The following DLG2 variants were observed in gnomAD, a reference collection of about 807,000 sequenced individuals.
The protein encoded by DLG2 is discs large MAGUK scaffold protein 2.
DLG2 carries 45 observed loss-of-function variants against 132.5 expected under a neutral mutation model. The observed-to-expected ratio is 0.34, with a 90% CI of 0.27 to 0.44. The LOEUF is 0.44. Ranked by LOEUF, DLG2 falls within the 20% of genes least tolerant of loss-of-function variation. DLG2 has a pLI of 1.00. For missense variants in DLG2, 1,045 were observed against 1,196.9 expected (o/e 0.87, Z 1.87); for synonymous variants, 424 against 419.6 (o/e 1.01, Z -0.13).
chr11:83,532,481 C>G (rs2095778473), intron 21 of DLG2, among the ~76,000 whole-genome samples: 1 of 152,124 alleles, frequency 6.6e-6, no homozygotes, highest in Admixed American at 6.6e-5. Context: ...TTCATCAACA[C>G]ACTGCTTCTG....
At chr11:83,478,741 C>T (rs1362891742) in intron 22 of DLG2, among the ~76,000 whole-genome samples, 5 of 151,944 alleles carry the variant, frequency 3.3e-5, no homozygotes, top group African/African-American at 1.2e-4. Context: ...ATACCTGTGT[C>T]TACTGGATGG....
intron 7 of DLG2, among the ~76,000 whole-genome samples, chr11:84,435,083 A>G (rs1341704740): frequency 6.6e-6 from 1 of 152,126 alleles, no homozygotes; most frequent in Non-Finnish European, 1.5e-5. Context: ...ATCTTATTTT[A>G]TACATCTTCT....
chr11:85,518,633 T>A (rs572318877), intron 3 of DLG2, among the ~76,000 whole-genome samples: 3 of 152,302 alleles, frequency 2.0e-5, no homozygotes, highest in East Asian at 1.9e-4. Context: ...TTTCTGAGGA[T>A]AAATTCAAGC....
intron 6 of DLG2, among the ~76,000 whole-genome samples, chr11:84,999,813 C>G (rs910574504): frequency 6.6e-6 from 1 of 151,992 alleles, no homozygotes; most frequent in Non-Finnish European, 1.5e-5. Context: ...AAAACTCTTG[C>G]CTGGGGCTGA....
chr11:83,573,896 T>C (rs765864859), intron 19 of DLG2, among the ~76,000 whole-genome samples: 13 of 152,172 alleles, frequency 8.5e-5, no homozygotes, highest in African/African-American at 1.4e-4. Context: ...GAGCAAGCTT[T>C]TGATATGGAT....
chr11:85,492,081 T>C (rs1228712510), intron 3 of DLG2, among the ~76,000 whole-genome samples: 1 of 152,094 alleles, frequency 6.6e-6, no homozygotes, highest in African/African-American at 2.4e-5. Flanking sequence ...CAATGTAATA[T>C]ATTCTTGAAA....
intron 4 of DLG2, among the ~76,000 whole-genome samples, chr11:85,206,796 G>A (rs1294839516): frequency 6.6e-6 from 1 of 152,030 alleles, no homozygotes; most frequent in Non-Finnish European, 1.5e-5. Context: ...TCATGCCACT[G>A]CACTCCAGCC....
At chr11:84,703,974 T>C (rs1349168993) in intron 6 of DLG2, among the ~76,000 whole-genome samples, 2 of 149,572 alleles carry the variant, frequency 1.3e-5, no homozygotes, top group Admixed American at 1.3e-4. Flanking sequence ...TATTATATTG[T>C]TTTTTCCTCT....
rs1164750446 is a variant in DLG2 at position 83,779,918 on chromosome 11, TG to T, written c.1825+6771del. Among the ~76,000 whole-genome samples the T allele has an allele frequency of 2.6e-5, 4 of 152,322 alleles. No homozygotes were observed. The East Asian group carries it at 7.7e-4, about 29-fold the overall frequency. ...ACTTATGCTTCTATCTCACCTAAGT[TG>T]GAATTTGCACTAGAAAACTGGTCTT... On this transcript the variant is annotated intron_variant, in intron 18 of 27. Coordinates refer to ENST00000376104, the MANE Select transcript of DLG2 (RefSeq NM_001142699.3).
chr11:85,124,697 G>A (rs1033536865), intron 5 of DLG2, among the ~76,000 whole-genome samples: 1 of 152,098 alleles, frequency 6.6e-6, no homozygotes, highest in African/African-American at 2.4e-5. Context: ...TATAATCATG[G>A]GTAATCTGCT....
intron 7 of DLG2, among the ~76,000 whole-genome samples, chr11:84,313,301 G>C (rs1480554626): frequency 6.6e-6 from 1 of 151,362 alleles, no homozygotes; most frequent in East Asian, 2.0e-4. Context: ...TTTTAGTAGG[G>C]ACAGGGTTTC....
At chr11:83,938,569 C>G (rs790369) in intron 14 of DLG2, among the ~76,000 whole-genome samples, 10 of 151,950 alleles carry the variant, frequency 6.6e-5, no homozygotes, top group Non-Finnish European at 1.5e-4. Flanking sequence ...TTATGGAAGA[C>G]AGTGTTCTTC....
At chr11:83,487,841 G>T (rs1267429380) in intron 21 of DLG2, among the ~76,000 whole-genome samples, 1 of 151,970 alleles carries the variant, frequency 6.6e-6, no homozygotes, top group East Asian at 1.9e-4. Context: ...GCCATGAACG[G>T]CAATTAAAAG....
At chr11:84,965,569 C>A (rs1240930204) in intron 6 of DLG2, among the ~76,000 whole-genome samples, 2 of 152,078 alleles carry the variant, frequency 1.3e-5, no homozygotes, top group African/African-American at 4.8e-5. Context: ...TTTTTAATTT[C>A]TCCATTTTGT....
rs555151856 is a variant in DLG2 at position 84,937,962 on chromosome 11, G to A, written c.357+173699C>T. ...TGAGAAAACTCTGGCCCAGAACAGA[G>A]AAATTGTTGTCAAAAGTCATAAAAC... On this transcript the variant is annotated intron_variant, in intron 6 of 27. Transcript: ENST00000376104. 2.0e-5 allele frequency among the ~76,000 whole-genome samples: 3 copies of A among 152,246 alleles called. No homozygotes were observed. In the South Asian group the frequency reaches 6.2e-4, roughly 32 times the overall value.
intron 6 of DLG2, among the ~76,000 whole-genome samples, chr11:84,925,354 G>GA (rs2092937963): frequency 1.3e-5 from 2 of 152,068 alleles, no homozygotes; most frequent in Admixed American, 1.3e-4. Context: ...CAGGGCTTTA[G>GA]ATACCATTTT....
At chr11:83,743,043 T>C (rs1034377110) in intron 18 of DLG2, among the ~76,000 whole-genome samples, 1 of 152,212 alleles carries the variant, frequency 6.6e-6, no homozygotes, top group Non-Finnish European at 1.5e-5. Context: ...ATTCTATCTT[T>C]GGCTGCATTA....
At chr11:85,161,228 T>C (rs181165493) in intron 4 of DLG2, among the ~76,000 whole-genome samples, 177 of 152,326 alleles carry the variant, frequency 1.2e-3, no homozygotes, top group African/African-American at 4.1e-3. Flanking sequence ...TCTGTGGACA[T>C]CACTCAGCCT....
At chr11:84,789,504 C>T (rs1290305141) in intron 6 of DLG2, among the ~76,000 whole-genome samples, 1 of 152,042 alleles carries the variant, frequency 6.6e-6, no homozygotes. Context: ...TTTATAATCA[C>T]ATCACGGTAA....
Sources: gnomAD v4.1 joint callset for allele counts (sites outside exome capture counted in the v4.1 genomes callset) on GRCh38, gnomAD v4.1.1 for gene constraint, MANE v1.5 for transcripts, NCBI Gene and HGNC (gene_info 2026-07-23, HGNC 2026-07-21) for gene names.